The following UBR1 variants were observed in gnomAD, a reference collection of about 807,000 sequenced individuals.
The protein encoded by UBR1 is ubiquitin protein ligase E3 component n-recognin 1, also known as E3 ubiquitin-protein ligase UBR1.
A neutral mutation model predicts 242.1 loss-of-function variants in UBR1; 102 were observed. That is an observed-to-expected ratio of 0.42 (90% confidence interval 0.36 to 0.50). The LOEUF is 0.50. Ranked by LOEUF, UBR1 falls within the 20% of genes least tolerant of loss-of-function variation. The probability of loss-of-function intolerance (pLI) is 0.01; values close to 1 mark genes in which losing one functional copy is unlikely to be tolerated. For missense variants in UBR1, 1,772 were observed against 2,101.8 expected, an observed-to-expected ratio of 0.84 and a Z score of 3.07; for synonymous variants, 675 against 684.8, an observed-to-expected ratio of 0.99 and a Z score of 0.22.
rs35230166 is a variant in UBR1, at chr15:43,063,894, G to A, written c.799-3780C>T. ...TGGGTTTACAGGCATGCACCACCAC[G>A]CCTGGCTAATTTTGTATTTCTAGTA... On this transcript the variant is annotated intron_variant, in intron 6 of 46. Coordinates refer to ENST00000290650, the MANE Select transcript of UBR1 (RefSeq NM_174916.3). 6.9e-3 allele frequency among the ~76,000 whole-genome samples: 1,045 copies of A among 152,168 alleles called. 11 individuals carry two copies. Among genetic ancestry groups the A allele is most frequent in the Non-Finnish European group, 0.011 (738 of 67,990 alleles).
At chr15:43,034,092 C>G (rs772153552) in intron 19 of UBR1, among the ~76,000 whole-genome samples, 9 of 152,012 alleles carry the variant, frequency 5.9e-5, no homozygotes, top group Non-Finnish European at 1.0e-4. Context: ...CAAACATTAC[C>G]TGGGCATGGT....
chr15:43,059,956 A>G (rs2033662775), intron 7 of UBR1, 96 bp downstream of exon 7: 2 of 1,550,642 alleles, frequency 1.3e-6, no homozygotes, highest in Admixed American at 1.7e-5. Context: ...GCCCCAAACC[A>G]CTTCAACGAC....
chr15:43,054,857 T>C lies in UBR1; in HGVS notation c.1324A>G (p.Thr442Ala). 1 of 1,614,166 alleles carries C rather than the reference T, an allele frequency of 6.2e-7. No individual in the cohort carries two copies. The highest frequency in any genetic ancestry group is 2.2e-5 in the East Asian group (1 of 44,866). ...GGTAAAACTTCTAGCAGAGTTTCAG[T>C]AATGACAGAGATAACATTCTGCTCT... Reference protein sequence around the residue: ...IEEQNVISVITETLLEVLPEY... With the variant: ...IEEQNVISVIAETLLEVLPEY... Residue 442 changes from threonine (T) to alanine (A), a missense_variant, in exon 12 of 47, where the codon ACT becomes GCT. By Grantham distance (58) the Thr-to-Ala change is moderately conservative (BLOSUM62 0). Coordinates refer to ENST00000290650, the MANE Select transcript of UBR1 (RefSeq NM_174916.3).
chr15:42,963,843 T>A, intron 42 of UBR1, 92 bp downstream of exon 42: 1 of 994,278 alleles, frequency 1.0e-6, no homozygotes, highest in Non-Finnish European at 1.6e-6. Context: ...CTTTAATCAG[T>A]GCTGATTGAA....
chr15:43,023,413 G>A (rs568921774), intron 25 of UBR1, among the ~76,000 whole-genome samples: 10 of 151,842 alleles, frequency 6.6e-5, no homozygotes, highest in African/African-American at 2.4e-4. Context: ...TCAACATGGT[G>A]AAACCTTGTC....
chr15:43,009,897 A>C (rs1421509888), intron 29 of UBR1, among the ~76,000 whole-genome samples: 1 of 152,092 alleles, frequency 6.6e-6, no homozygotes, highest in Non-Finnish European at 1.5e-5. Flanking sequence ...TTTGAGACAG[A>C]GTCTTGCACT....
chr15:43,066,920 G>A lies in UBR1; in HGVS notation c.798+978C>T, dbSNP rs747397782. Among the ~76,000 whole-genome samples, 13 of 152,060 alleles carry A rather than the reference G, an allele frequency of 8.5e-5. 1 individual carries two copies. Among genetic ancestry groups the A allele is most frequent in the Admixed American group, 6.6e-4 (10 of 15,252 alleles). On this transcript the variant is annotated intron_variant, in intron 6 of 46. Coordinates refer to ENST00000290650, the MANE Select transcript of UBR1 (RefSeq NM_174916.3). ...AGTACAGGCATGAGCCACAGCACCT[G>A]GCCCCTAGAATCTGCATTTTTAATA...
chr15:43,076,309 T>A (rs2033892228), intron 3 of UBR1, among the ~76,000 whole-genome samples: 1 of 152,198 alleles, frequency 6.6e-6, no homozygotes. Flanking sequence ...TGGAGTGCAG[T>A]GGCGTGATCT....
chr15:42,960,765 C>T, intron 42 of UBR1, 64 bp from the exon 43 acceptor site: 1 of 1,517,160 alleles, frequency 6.6e-7, no homozygotes, highest in Non-Finnish European at 9.1e-7. Flanking sequence ...GATTTGTCAA[C>T]AAGCCATTCT....
intron 15 of UBR1, among the ~76,000 whole-genome samples, chr15:43,041,248 G>A (rs2033413541): frequency 6.6e-6 from 1 of 152,150 alleles, no homozygotes; most frequent in South Asian, 2.1e-4. Context: ...ATACACCATG[G>A]AATACTATGC....
chr15:42,964,333 G>A (rs1271372270), intron 41 of UBR1, among the ~76,000 whole-genome samples: 1 of 152,172 alleles, frequency 6.6e-6, no homozygotes, highest in East Asian at 1.9e-4. Flanking sequence ...GCCAGGCGTG[G>A]TGGCACATGC....
At chr15:43,091,569 C>T (rs140616467) in intron 1 of UBR1, among the ~76,000 whole-genome samples, 1 of 152,084 alleles carries the variant, frequency 6.6e-6, no homozygotes, top group Non-Finnish European at 1.5e-5. Flanking sequence ...TAACAACTAC[C>T]GAACACTACT....
intron 6 of UBR1, among the ~76,000 whole-genome samples, chr15:43,064,454 C>G (rs2141341628): frequency 6.6e-6 from 1 of 152,088 alleles, no homozygotes; most frequent in South Asian, 2.1e-4. Flanking sequence ...GTCCAACAAG[C>G]AAAGCAGTCA....
chr15:43,100,230 A>G (rs930268616), intron 1 of UBR1, among the ~76,000 whole-genome samples: 2 of 151,878 alleles, frequency 1.3e-5, no homozygotes, highest in African/African-American at 4.8e-5. Context: ...GCCCCCATGT[A>G]CTCAAATTCT....
intron 35 of UBR1, among the ~76,000 whole-genome samples, 182 bp from the exon 36 acceptor site, chr15:42,985,124 G>A (rs1379559261): frequency 2.6e-5 from 4 of 152,030 alleles, no homozygotes; most frequent in Non-Finnish European, 5.9e-5. Context: ...GAGAAAATTA[G>A]AGAATCAAAT....
At chr15:43,079,736 C>T (rs1160774018) in intron 3 of UBR1, among the ~76,000 whole-genome samples, 7 of 151,908 alleles carry the variant, frequency 4.6e-5, no homozygotes, top group East Asian at 1.9e-4. Flanking sequence ...GAGCTGAGAT[C>T]GTGCCACTGC....
At position 43,024,995 on chromosome 15, in the gene UBR1, G is replaced by T; in HGVS notation, c.2585-12C>A. On this transcript the variant is annotated splice_polypyrimidine_tract_variant and intron_variant, in intron 24 of 46. Coordinates refer to ENST00000290650, the MANE Select transcript of UBR1 (RefSeq NM_174916.3). ...TGGTGGCGGCAATGCTATAGGAGGT[G>T]GGGAATGGATGGGGAAAGAGACAAA... 1 of 1,613,698 alleles carries T rather than the reference G, an allele frequency of 6.2e-7. No individual in the cohort carries two copies. The highest frequency in any genetic ancestry group is 8.5e-7 in the Non-Finnish European group (1 of 1,179,664).
At chr15:42,971,339 T>C (rs2032204738) in intron 39 of UBR1, among the ~76,000 whole-genome samples, 1 of 152,186 alleles carries the variant, frequency 6.6e-6, no homozygotes. Context: ...TCCATCAACC[T>C]ATCTTTAAGG....
intron 6 of UBR1, among the ~76,000 whole-genome samples, chr15:43,061,969 G>C (rs1260904730): frequency 6.6e-6 from 1 of 151,622 alleles, no homozygotes; most frequent in Non-Finnish European, 1.5e-5. Flanking sequence ...AAAATGAGTT[G>C]GCTGTAAAAA....
Sources: allele counts gnomAD v4.1 joint callset (sites outside exome capture counted in the v4.1 genomes callset), GRCh38; gene constraint gnomAD v4.1.1; transcripts MANE v1.5; gene names NCBI Gene and HGNC (gene_info 2026-07-23, HGNC 2026-07-21).